The following OXSR1 variants were observed in gnomAD, a reference collection of about 807,000 sequenced individuals.
OXSR1 encodes the protein serine/threonine-protein kinase OSR1.
In OXSR1, 24 loss-of-function variants were observed where a neutral mutation model predicts 79.8. The ratio of observed to expected loss-of-function variants is 0.30; its 90% confidence interval spans 0.22 to 0.42. OXSR1 has a LOEUF of 0.42. Among genes scored for constraint, OXSR1 ranks in the 10% least tolerant of loss-of-function variants. The pLI, the probability that OXSR1 is intolerant of heterozygous loss-of-function variation, is 1.00. For synonymous variants in OXSR1, 226 were observed against 209.2 expected (o/e 1.08, Z -0.69); for missense variants, 430 against 618.4 (o/e 0.70, Z 3.23).
intron 1 of OXSR1, among the ~76,000 whole-genome samples, chr3:38,178,512 C>T (rs529449236): frequency 6.6e-6 from 1 of 150,794 alleles, no homozygotes; most frequent in East Asian, 1.9e-4. Context: ...GGTCTCGGCT[C>T]ACTACAACCT....
At chr3:38,179,711 G>C (rs1310874387) in intron 1 of OXSR1, among the ~76,000 whole-genome samples, 13 of 152,034 alleles carry the variant, frequency 8.6e-5, no homozygotes. Flanking sequence ...AGTTAGTCCT[G>C]CAGGACCCTC....
At position 38,254,604 on chromosome 3, in the gene OXSR1, T is replaced by G. The variant is rs1703323858; in HGVS notation, c.*1713T>G. The G allele has an allele frequency of 4.8e-6, 1 of 208,728 alleles. No individual in the cohort carries two copies. Among genetic ancestry groups the G allele is most frequent in the Admixed American group, 5.9e-5 (1 of 17,000 alleles). 12.9% of individuals were successfully genotyped at this position (208,728 alleles called of 1,614,324 possible). On this transcript the variant is annotated 3_prime_UTR_variant, in exon 18 of 18. Coordinates refer to ENST00000311806, the MANE Select transcript of OXSR1 (RefSeq NM_005109.3). The stretch of plus-strand genomic sequence containing the variant: ...ATACTTAGCTTTTCTTTTTCTTTTT[T>G]TGTGGAGGGGGGACGGAGAGGAACA...
At chr3:38,203,883 G>C (rs1185588795) in intron 4 of OXSR1, among the ~76,000 whole-genome samples, 2 of 152,184 alleles carry the variant, frequency 1.3e-5, no homozygotes, top group African/African-American at 2.4e-5. Context: ...GCAATCAGCA[G>C]ATGGCAAAGC....
At position 38,183,036 on chromosome 3, in the gene OXSR1, A is replaced by G. The variant is rs552561847; in HGVS notation, c.104A>G (p.Tyr35Cys). ...SGATAVVQAA[Y>C]CAPKKEKVAI... ...GCAACTGCTGTAGTCCAAGCAGCTTATTGTGCCCCTAAAAAGGAGAAAGTG... is the reference window on the plus strand; with the variant it reads ...GCAACTGCTGTAGTCCAAGCAGCTTGTTGTGCCCCTAAAAAGGAGAAAGTG... The change falls in exon 2 of 18, where the codon TAT (tyrosine) becomes TGT (cysteine). Residue 35 changes from tyrosine (Y) to cysteine (C), a missense_variant. By Grantham distance (194) the Tyr-to-Cys change is radical. This residue lies in a region of OXSR1 where 145 missense variants were observed against 228.3 expected (regional missense o/e 0.64). Transcript: ENST00000311806. 6.2e-7 allele frequency: 1 copy of G among 1,613,182 alleles called. No individual in the cohort carries two copies. Among genetic ancestry groups the G allele is most frequent in the Non-Finnish European group, 8.5e-7 (1 of 1,179,480 alleles).
At chr3:38,193,237 C>G in intron 3 of OXSR1, 1 of 1,282,184 alleles carries the variant, frequency 7.8e-7, no homozygotes, top group South Asian at 1.2e-5. Flanking sequence ...TTATTTGATG[C>G]TTTTCAGTGT....
At chr3:38,223,096 A>G (rs1283166077) in intron 6 of OXSR1, among the ~76,000 whole-genome samples, 1 of 152,118 alleles carries the variant, frequency 6.6e-6, no homozygotes, top group African/African-American at 2.4e-5. Context: ...AAAGCTTATG[A>G]ACACTTTCAT....
intron 1 of OXSR1, among the ~76,000 whole-genome samples, chr3:38,174,481 T>G (rs139682871): frequency 0.011 from 1,606 of 151,942 alleles, 31 homozygotes; most frequent in African/African-American, 0.036. Flanking sequence ...ACTCGGGAGG[T>G]TGAGGCATGA....
intron 1 of OXSR1, among the ~76,000 whole-genome samples, chr3:38,179,000 G>T (rs1701730310): frequency 6.7e-6 from 1 of 148,244 alleles, no homozygotes; most frequent in Non-Finnish European, 1.5e-5. Flanking sequence ...TACTAGGTGG[G>T]ACTACAGACG....
At chr3:38,194,598 T>C (rs2125816973) in intron 3 of OXSR1, among the ~76,000 whole-genome samples, 1 of 152,100 alleles carries the variant, frequency 6.6e-6, no homozygotes, top group Middle Eastern at 3.4e-3. Context: ...AGGCTGGAGT[T>C]AGTACTGGGG....
intron 1 of OXSR1, among the ~76,000 whole-genome samples, chr3:38,167,167 T>C (rs1224782629): frequency 6.6e-6 from 1 of 152,176 alleles, no homozygotes; most frequent in African/African-American, 2.4e-5. Context: ...CCTCAAATAG[T>C]GCCTTGACGT....
chr3:38,218,298 A>G (rs949514654), intron 5 of OXSR1, among the ~76,000 whole-genome samples: 1 of 151,310 alleles, frequency 6.6e-6, no homozygotes, highest in Non-Finnish European at 1.5e-5. Context: ...ATTTCTCCAC[A>G]TCCTCACCAA....
intron 1 of OXSR1, among the ~76,000 whole-genome samples, chr3:38,180,483 G>T (rs1042032231): frequency 6.7e-6 from 1 of 148,520 alleles, no homozygotes; most frequent in East Asian, 2.0e-4. Flanking sequence ...TTTTAGGCAT[G>T]TGTCCGTATT....
intron 1 of OXSR1, among the ~76,000 whole-genome samples, chr3:38,170,904 A>C (rs1023088323): frequency 2.7e-4 from 41 of 152,136 alleles, no homozygotes; most frequent in Admixed American, 1.4e-3. Flanking sequence ...CGTCCTCCCC[A>C]GTAGCTGGAC....
At chr3:38,231,198 C>G (rs1215888855) in intron 10 of OXSR1, among the ~76,000 whole-genome samples, 1 of 152,104 alleles carries the variant, frequency 6.6e-6, no homozygotes. Context: ...CAATGAAGAA[C>G]CAGAAATGTA....
chr3:38,180,124 A>G (rs959208848), intron 1 of OXSR1, among the ~76,000 whole-genome samples: 34 of 151,984 alleles, frequency 2.2e-4, no homozygotes, highest in Non-Finnish European at 4.1e-4. Flanking sequence ...TTGTATTTTT[A>G]GTAGAGGCAG....
At chr3:38,168,980 A>T (rs942121242) in intron 1 of OXSR1, among the ~76,000 whole-genome samples, 3 of 152,248 alleles carry the variant, frequency 2.0e-5, no homozygotes, top group African/African-American at 7.2e-5. Flanking sequence ...ATGTATACCC[A>T]GGAGTGGAAT....
intron 1 of OXSR1, among the ~76,000 whole-genome samples, chr3:38,179,972 C>G (rs1353845104): frequency 6.6e-6 from 1 of 152,086 alleles, no homozygotes; most frequent in Non-Finnish European, 1.5e-5. Context: ...CCATGCCCGG[C>G]TAATTTTTGT....
At chr3:38,244,550 A>G (rs1359390511) in intron 12 of OXSR1, among the ~76,000 whole-genome samples, 5 of 151,744 alleles carry the variant, frequency 3.3e-5, no homozygotes, top group African/African-American at 1.2e-4. Context: ...TGACCGGCCT[A>G]TTTCACTTAG....
intron 14 of OXSR1, among the ~76,000 whole-genome samples, chr3:38,249,317 C>T (rs1339875005): frequency 6.6e-6 from 1 of 152,096 alleles, no homozygotes; most frequent in Non-Finnish European, 1.5e-5. Flanking sequence ...TGTAACTGTA[C>T]CTCACCAGTC....
Sources: gnomAD v4.1 joint callset for allele counts (sites outside exome capture counted in the v4.1 genomes callset) on GRCh38, gnomAD v4.1.1 for gene constraint, gnomAD v4.1.1 regional missense constraint, MANE v1.5 for transcripts, NCBI Gene and HGNC (gene_info 2026-07-23, HGNC 2026-07-21) for gene names.